MCC: variants seen among roughly 807,000 people sequenced by gnomAD.
MCC encodes colorectal mutant cancer protein.
Under a neutral mutation model 116.2 loss-of-function variants are expected in MCC, and 90 were observed. The ratio of observed to expected loss-of-function variants is 0.77; its 90% CI spans 0.65 to 0.92. MCC has a LOEUF of 0.92. Among genes scored for constraint, MCC ranks in the 40% least tolerant of loss-of-function variants. The pLI is 0.00. For missense variants in MCC, 1,516 were observed against 1,312.2 expected (o/e 1.16, Z -2.40); for synonymous variants, 578 against 510.5 (o/e 1.13, Z -1.78).
chr5:113,434,786 T>C lies in MCC; in HGVS notation c.171-49574A>G. 1 of 1,613,594 alleles carries C rather than the reference T, an allele frequency of 6.2e-7. No individual in the cohort carries two copies. The highest frequency in any genetic ancestry group is 8.5e-7 in the Non-Finnish European group (1 of 1,179,562). On this transcript the variant is annotated intron_variant, in intron 1 of 18. Coordinates refer to ENST00000408903, the MANE Select transcript of MCC (RefSeq NM_001085377.2). This position sits in a 1 kb window ranked among gnomAD's most constrained non-coding sequence, Gnocchi z 4.2. ...TTACTTTTGCATAGGAGCCCTCTCC[T>C]AAATTTATCCCCAGGAGGTAGCCTC...
At chr5:113,060,200 C>T (rs1228415529) in intron 14 of MCC, among the ~76,000 whole-genome samples, 12 of 152,186 alleles carry the variant, frequency 7.9e-5, no homozygotes, top group Admixed American at 3.3e-4. Flanking sequence ...CTGTTGCCCA[C>T]ACTGGAGTGC....
intron 1 of MCC, among the ~76,000 whole-genome samples, chr5:113,395,574 C>T (rs1444304465): frequency 6.6e-6 from 1 of 152,162 alleles, no homozygotes; most frequent in African/African-American, 2.4e-5. Context: ...TTTTCTCTTG[C>T]AATATATGAA....
At chr5:113,410,448 A>G (rs1272653559) in intron 1 of MCC, among the ~76,000 whole-genome samples, 1 of 152,200 alleles carries the variant, frequency 6.6e-6, no homozygotes, top group East Asian at 1.9e-4. Context: ...TCAATTCGGT[A>G]GGTTAAATTC....
At chr5:113,174,869 G>A (rs758841450) in intron 3 of MCC, among the ~76,000 whole-genome samples, 16 of 152,174 alleles carry the variant, frequency 1.1e-4, no homozygotes, top group Non-Finnish European at 1.5e-4. Context: ...GATTACAGGA[G>A]TGAGCCAATA....
Position 113,264,893 on chromosome 5 carries a change from T to G in MCC, c.627+75626A>C, listed in dbSNP as rs180998468. Among the ~76,000 whole-genome samples the G allele has an allele frequency of 6.6e-5, 10 of 152,138 alleles. No individual in the cohort carries two copies. The East Asian group carries it at 1.9e-3, about 29-fold the overall frequency. On this transcript the variant is annotated intron_variant, in intron 3 of 18. Transcript: ENST00000408903. ...CCCATCTCTACTAAAAATACAAAAATTAGCCAGGTGTGGTGGCACATGCCT... is the reference window on the plus strand; with the variant it reads ...CCCATCTCTACTAAAAATACAAAAAGTAGCCAGGTGTGGTGGCACATGCCT...
Position 113,053,846 on chromosome 5 carries a change from G to C in MCC, c.2327C>G (p.Thr776Ser). The change falls in exon 15 of 19, where the codon ACC becomes AGC. Residue 776 changes from threonine (T) to serine (S), a missense_variant. Coordinates refer to ENST00000408903, the MANE Select transcript of MCC (RefSeq NM_001085377.2). The part of the protein sequence containing the change: ...LKNDRAAVKL[T>S]MLELESIHID... Reference sequence around the variant, plus strand: ...GTGGATGCTTTCCAGCTCCAGCATGGTCAGCTTGACCGCAGCCCTGTCATT... The same window carrying C: ...GTGGATGCTTTCCAGCTCCAGCATGCTCAGCTTGACCGCAGCCCTGTCATT... 6.2e-7 allele frequency: 1 copy of C among 1,614,092 alleles called. No homozygotes were observed. The highest frequency in any genetic ancestry group is 8.5e-7 in the Non-Finnish European group (1 of 1,179,994).
At chr5:113,281,210 C>T (rs1021777946) in intron 3 of MCC, among the ~76,000 whole-genome samples, 1 of 152,214 alleles carries the variant, frequency 6.6e-6, no homozygotes, top group African/African-American at 2.4e-5. Context: ...ATCATTGCTG[C>T]TTCAAAGCAA....
At chr5:113,127,206 A>G (rs1758106103) in intron 5 of MCC, among the ~76,000 whole-genome samples, 3 of 152,210 alleles carry the variant, frequency 2.0e-5, no homozygotes, top group African/African-American at 7.2e-5. Context: ...GCTGCATAGT[A>G]TTCCATGGTA....
At chr5:113,063,820 G>T (rs1753390138) in intron 14 of MCC, among the ~76,000 whole-genome samples, 164 bp downstream of exon 14, 1 of 152,188 alleles carries the variant, frequency 6.6e-6, no homozygotes, top group Admixed American at 6.5e-5. Context: ...CTTCTGTTCT[G>T]ATCTTCTGAC....
At chr5:113,056,657 T>C (rs1198098979) in intron 14 of MCC, among the ~76,000 whole-genome samples, 2 of 152,128 alleles carry the variant, frequency 1.3e-5, no homozygotes, top group African/African-American at 4.8e-5. Flanking sequence ...AAATAATTTA[T>C]ACAACAAACC....
At chr5:113,228,312 A>C (rs1345299426) in intron 3 of MCC, among the ~76,000 whole-genome samples, 1 of 152,042 alleles carries the variant, frequency 6.6e-6, no homozygotes, top group Non-Finnish European at 1.5e-5. Flanking sequence ...ATGAGTTCTT[A>C]CACACACACA....
In MCC at chr5:113,434,890, C is replaced by T. The variant is rs1361793470; in HGVS notation, c.171-49678G>A. 71 of 1,563,376 alleles carry T rather than the reference C, an allele frequency of 4.5e-5. No homozygotes were observed. Among genetic ancestry groups the T allele is most frequent in the South Asian group, 1.3e-4 (11 of 82,790 alleles). ...GAGGCTGCCCTCTACAGCCCCGAGG[C>T]GCATGGGCCAGCAGTGTGCTCATTT... On this transcript the variant is annotated intron_variant, in intron 1 of 18. Coordinates refer to ENST00000408903, the MANE Select transcript of MCC (RefSeq NM_001085377.2). The surrounding 1 kb of genome is among the most constrained non-coding windows in gnomAD (Gnocchi z 4.2).
chr5:113,320,262 AC>A (rs1767385807), intron 3 of MCC, among the ~76,000 whole-genome samples: 4 of 151,966 alleles, frequency 2.6e-5, no homozygotes, highest in Admixed American at 2.6e-4. Flanking sequence ...TGTAGTACAC[AC>A]ACACACACAC....
At chr5:113,143,455 C>T in intron 4 of MCC, 95 bp from the exon 5 acceptor site, 1 of 1,313,692 alleles carries the variant, frequency 7.6e-7, no homozygotes, top group Non-Finnish European at 1.1e-6. Flanking sequence ...TTACAACTGC[C>T]AACACTGAGT....
In MCC at chr5:113,166,730, A is replaced by G. The variant is rs555729055; in HGVS notation, c.628-15308T>C. 3.3e-5 allele frequency among the ~76,000 whole-genome samples: 5 copies of G among 152,018 alleles called. No homozygotes were observed. The East Asian group carries it at 5.8e-4, about 18-fold the overall frequency. Reference sequence around the variant, plus strand: ...TAAAAAAAAAAAAAAAAACAACCAAAAAACCAAAAAAACAAAGCTTAGTTT... The same window carrying G: ...TAAAAAAAAAAAAAAAAACAACCAAGAAACCAAAAAAACAAAGCTTAGTTT... On this transcript the variant is annotated intron_variant, in intron 3 of 18. Coordinates refer to ENST00000408903, the MANE Select transcript of MCC (RefSeq NM_001085377.2).
chr5:113,104,986 C>T (rs558265764), intron 6 of MCC, among the ~76,000 whole-genome samples: 21 of 152,308 alleles, frequency 1.4e-4, no homozygotes, highest in African/African-American at 4.8e-4. Context: ...GACTTAAAAA[C>T]TTGGGTTGCT....
At chr5:113,098,831 G>A (rs1317980107) in intron 8 of MCC, among the ~76,000 whole-genome samples, 2 of 152,268 alleles carry the variant, frequency 1.3e-5, no homozygotes, top group African/African-American at 2.4e-5. Context: ...GGCCCCAATT[G>A]CTCGTCAAGG....
intron 5 of MCC, among the ~76,000 whole-genome samples, chr5:113,132,453 C>CATATATATATATAT (rs1561385323): frequency 4.7e-5 from 6 of 128,374 alleles, no homozygotes; most frequent in African/African-American, 2.0e-4. Flanking sequence ...TACACACACA[C>CATATATATATATAT]ACACACACAC....
chr5:113,364,764 C>A (rs1768643863), intron 2 of MCC, among the ~76,000 whole-genome samples: 1 of 152,348 alleles, frequency 6.6e-6, no homozygotes, highest in Admixed American at 6.5e-5. Flanking sequence ...ATTCTGCACA[C>A]CTGCAGGCTT....
Sources: allele counts gnomAD v4.1 joint callset (sites outside exome capture counted in the v4.1 genomes callset), GRCh38; gene constraint gnomAD v4.1.1; non-coding constraint Gnocchi (gnomAD v3.1); transcripts MANE v1.5; gene names NCBI Gene and HGNC (gene_info 2026-07-23, HGNC 2026-07-21).